Variants in PCDHGA6 observed in about 807,000 individuals in gnomAD.
PCDHGA6 encodes the protein protocadherin gamma subfamily A, 6, also known as protocadherin gamma-A6.
Under a neutral mutation model 60.6 loss-of-function variants are expected in PCDHGA6, and 41 were observed. That is an observed-to-expected ratio of 0.68 (90% CI 0.53 to 0.88). The LOEUF (loss-of-function observed/expected upper bound fraction) is 0.88. PCDHGA6 is among the 40% of genes least tolerant of loss of function. The pLI is 0.00. For missense variants in PCDHGA6, 1,312 were observed against 1,203.0 expected (o/e 1.09, Z -1.34); for synonymous variants, 594 against 524.4 (o/e 1.13, Z -1.81).
chr5:141,462,268 A>C (rs982301403), intron 1 of PCDHGA6, among the ~76,000 whole-genome samples: 3 of 152,196 alleles, frequency 2.0e-5, no homozygotes, highest in African/African-American at 7.2e-5. Flanking sequence ...CCTAAAGTGT[A>C]TTGTTTAGTC....
At position 141,476,827 on chromosome 5, in the gene PCDHGA6, G is replaced by A; in HGVS notation, c.2425-17980G>A. On this transcript the variant is annotated intron_variant, in intron 1 of 3. Transcript: ENST00000517434. The surrounding 1 kb of genome is among the most constrained non-coding windows in gnomAD (Gnocchi z 7.6). ...CTATTCACATCAAGGTGCTGGACGC[G>A]AATGACAATGCGCCTGTCTTCAACC... The A allele has an allele frequency of 1.2e-6, 2 of 1,613,542 alleles. No individual in the cohort carries two copies. Among genetic ancestry groups the A allele is most frequent in the Non-Finnish European group, 1.7e-6 (2 of 1,180,046 alleles).
intron 1 of PCDHGA6, chr5:141,423,057 T>C (rs1443300486): frequency 6.2e-7 from 1 of 1,614,060 alleles, no homozygotes; most frequent in Non-Finnish European, 8.5e-7. Flanking sequence ...ATCGCCTGCT[T>C]AAGGCCAGCG....
chr5:141,507,487 G>A (rs889348168), intron 3 of PCDHGA6, among the ~76,000 whole-genome samples: 1 of 152,204 alleles, frequency 6.6e-6, no homozygotes, highest in African/African-American at 2.4e-5. Context: ...GCCTCCTGAG[G>A]CAGAGCTGTC....
Position 141,489,267 on chromosome 5 carries a change from C to T in PCDHGA6, c.2425-5540C>T, listed in dbSNP as rs370726160. 27 of 1,553,302 alleles carry T rather than the reference C, an allele frequency of 1.7e-5. No individual in the cohort carries two copies. Among genetic ancestry groups the T allele is most frequent in the African/African-American group, 8.2e-5 (6 of 73,324 alleles). ...TGGGGCCCAAGACACTCCCACAGCT[C>T]GCTGGGAAATGGCAAGTGCTGTGCA... On this transcript the variant is annotated intron_variant, in intron 1 of 3. Transcript: ENST00000517434. This position sits in a 1 kb window ranked among gnomAD's most constrained non-coding sequence, Gnocchi z 4.5.
At chr5:141,382,654 A>G in intron 1 of PCDHGA6, 1 of 413,618 alleles carries the variant, frequency 2.4e-6, no homozygotes, top group Non-Finnish European at 4.3e-6. Flanking sequence ...CTTAGTAAGG[A>G]CTCACAGCGC....
At chr5:141,447,238 C>G (rs1028683423) in intron 1 of PCDHGA6, among the ~76,000 whole-genome samples, 2 of 152,148 alleles carry the variant, frequency 1.3e-5, no homozygotes, top group Non-Finnish European at 2.9e-5. Context: ...CTCCCGGGTT[C>G]AAGTGATTCT....
rs772052592 is a variant in PCDHGA6, at chr5:141,385,040, T to C, written c.2424+8533T>C. 6.2e-6 allele frequency: 10 copies of C among 1,614,040 alleles called. No individual in the cohort carries two copies. In the South Asian group the frequency reaches 9.9e-5, roughly 16 times the overall value. On this transcript the variant is annotated intron_variant, in intron 1 of 3. Coordinates refer to ENST00000517434, the MANE Select transcript of PCDHGA6 (RefSeq NM_018919.3). The stretch of plus-strand genomic sequence containing the variant: ...GCCTTCGTCCTCGTACTGCTGGCGC[T>C]CAGGCTGCGGCGCTGGCACAAGTCA...
At chr5:141,424,841 C>A (rs1303241053) in intron 1 of PCDHGA6, among the ~76,000 whole-genome samples, 1 of 152,126 alleles carries the variant, frequency 6.6e-6, no homozygotes. Context: ...TACATGTTAT[C>A]TGAAGCAATG....
chr5:141,422,410 T>C, intron 1 of PCDHGA6: 1 of 1,601,816 alleles, frequency 6.2e-7, no homozygotes, highest in Non-Finnish European at 8.5e-7. Context: ...GCCTTTTAAA[T>C]TAGAAAAGAC....
At chr5:141,395,379 C>A in intron 1 of PCDHGA6, 1 of 1,139,610 alleles carries the variant, frequency 8.8e-7, no homozygotes, top group Non-Finnish European at 1.2e-6. Flanking sequence ...GGTGGTGTTA[C>A]TATAAAATTG....
intron 2 of PCDHGA6, among the ~76,000 whole-genome samples, chr5:141,496,753 A>G (rs2099771084): frequency 6.6e-6 from 1 of 152,166 alleles, no homozygotes; most frequent in Admixed American, 6.5e-5. Flanking sequence ...TTCAACAAAT[A>G]TTTATCGAGC....
chr5:141,419,317 T>C, intron 1 of PCDHGA6: 1 of 1,613,952 alleles, frequency 6.2e-7, no homozygotes, highest in Non-Finnish European at 8.5e-7. Flanking sequence ...TCAACGGCCG[T>C]GTCTCCTACT....
chr5:141,461,595 A>C (rs2099018386), intron 1 of PCDHGA6, among the ~76,000 whole-genome samples: 1 of 152,144 alleles, frequency 6.6e-6, no homozygotes, highest in East Asian at 1.9e-4. Flanking sequence ...TATTTCCATT[A>C]TAATTTAGTT....
chr5:141,415,001 C>G (rs1326591845), intron 1 of PCDHGA6: 2 of 1,613,712 alleles, frequency 1.2e-6, no homozygotes, highest in Non-Finnish European at 1.7e-6. Context: ...GCCTGGCTGT[C>G]CTACCGTCTG....
In PCDHGA6 at chr5:141,376,118, G is replaced by T; in HGVS notation, c.2035G>T (p.Glu679Ter). 1 of 1,613,826 alleles carries T rather than the reference G, an allele frequency of 6.2e-7. No individual in the cohort carries two copies. Among genetic ancestry groups the T allele is most frequent in the Non-Finnish European group, 8.5e-7 (1 of 1,179,946 alleles). ...PDILADLGSLEPSAKPNDSDL... is the reference protein window; with the variant it reads ...PDILADLGSL ...CATCCTGGCCGACCTGGGCAGCCTCGAGCCCTCCGCCAAACCCAACGATTC... is the reference window on the plus strand; with the variant it reads ...CATCCTGGCCGACCTGGGCAGCCTCTAGCCCTCCGCCAAACCCAACGATTC... The change falls in exon 1 of 4, where the codon GAG becomes TAG. Residue 679 changes from glutamate (E) to a stop codon, truncating the protein, a stop_gained. Coordinates refer to ENST00000517434, the MANE Select transcript of PCDHGA6 (RefSeq NM_018919.3). LOFTEE classifies it high-confidence loss of function.
At chr5:141,407,534 A>T (rs72790039) in intron 1 of PCDHGA6, among the ~76,000 whole-genome samples, 1 of 149,478 alleles carries the variant, frequency 6.7e-6, no homozygotes, top group Non-Finnish European at 1.5e-5. Flanking sequence ...CTTATTGTGC[A>T]TTGGTAACAG....
intron 1 of PCDHGA6, among the ~76,000 whole-genome samples, chr5:141,425,036 G>A (rs574813328): frequency 1.3e-5 from 2 of 152,238 alleles, no homozygotes; most frequent in East Asian, 3.9e-4. Context: ...GTCATTAGTT[G>A]TAAACTGACT....
chr5:141,418,063 G>T (rs2015825), intron 1 of PCDHGA6: 734,858 of 1,613,808 alleles, frequency 0.46, 174,471 homozygotes, highest in African/African-American at 0.8. Flanking sequence ...AGCTGCGAGT[G>T]AGCGCGGAGA....
chr5:141,508,183 A>G (rs1596134418), intron 3 of PCDHGA6: 1 of 152,336 alleles, frequency 6.6e-6, no homozygotes, highest in African/African-American at 2.4e-5. Context: ...GAGAGAAGGC[A>G]TCACCCCCAC....
Sources: allele counts gnomAD v4.1 joint callset (sites outside exome capture counted in the v4.1 genomes callset), GRCh38; gene constraint gnomAD v4.1.1; non-coding constraint Gnocchi (gnomAD v3.1); transcripts MANE v1.5; gene names NCBI Gene and HGNC (gene_info 2026-07-23, HGNC 2026-07-21).